The following ENOPH1 variants were observed in gnomAD, a reference collection of about 807,000 sequenced individuals.
ENOPH1 encodes enolase-phosphatase E1.
ENOPH1 carries 14 observed loss-of-function variants against 31.1 expected under a neutral mutation model. The ratio of observed to expected loss-of-function variants is 0.45; its 90% CI spans 0.30 to 0.70. The LOEUF (loss-of-function observed/expected upper bound fraction) is 0.70. Among genes scored for constraint, ENOPH1 ranks in the 30% least tolerant of loss-of-function variants. ENOPH1 has a pLI of 0.09. For synonymous variants in ENOPH1, 127 were observed against 123.2 expected (o/e 1.03, Z -0.21); for missense variants, 243 against 321.5 (o/e 0.76, Z 1.87).
At chr4:82,457,206 A>T (rs957393087) in intron 5 of ENOPH1, among the ~76,000 whole-genome samples, 168 bp downstream of exon 5, 4 of 145,082 alleles carry the variant, frequency 2.8e-5, no homozygotes, top group African/African-American at 7.5e-5. Flanking sequence ...TGTTTGAATT[A>T]AAAAAAAAAA....
At chr4:82,435,472 A>G (rs1721882154) in intron 1 of ENOPH1, among the ~76,000 whole-genome samples, 1 of 152,180 alleles carries the variant, frequency 6.6e-6, no homozygotes, top group African/African-American at 2.4e-5. Flanking sequence ...ATTTTTAGAA[A>G]TAGTGAATTC....
chr4:82,454,109 G>A (rs1040104514), intron 3 of ENOPH1, among the ~76,000 whole-genome samples: 32 of 151,846 alleles, frequency 2.1e-4, no homozygotes, highest in African/African-American at 7.0e-4. Flanking sequence ...AACTACCTGG[G>A]AGGCTGAGGT....
chr4:82,438,240 C>T (rs1721957792), intron 1 of ENOPH1, among the ~76,000 whole-genome samples: 1 of 152,144 alleles, frequency 6.6e-6, no homozygotes, highest in Non-Finnish European at 1.5e-5. Flanking sequence ...AGTGAAAGCC[C>T]TGATATGCTC....
At chr4:82,447,497 T>C (rs1488021752) in intron 1 of ENOPH1, among the ~76,000 whole-genome samples, 1 of 152,236 alleles carries the variant, frequency 6.6e-6, no homozygotes, top group Non-Finnish European at 1.5e-5. Context: ...CTCAAGGACC[T>C]TTGGTCTGGC....
At chr4:82,455,674 T>A (rs1179429760) in intron 4 of ENOPH1, among the ~76,000 whole-genome samples, 5 of 151,766 alleles carry the variant, frequency 3.3e-5, no homozygotes, top group Non-Finnish European at 7.4e-5. Context: ...TAGTCCCAGC[T>A]ACTCGGGAGG....
At chr4:82,448,931 G>C (rs866038134) in intron 2 of ENOPH1, among the ~76,000 whole-genome samples, 5 of 151,298 alleles carry the variant, frequency 3.3e-5, no homozygotes, top group Non-Finnish European at 7.4e-5. Flanking sequence ...AGTGGCCGGC[G>C]CCTGTAGTCC....
At chr4:82,435,540 A>G (rs1721884484) in intron 1 of ENOPH1, among the ~76,000 whole-genome samples, 1 of 152,234 alleles carries the variant, frequency 6.6e-6, no homozygotes, top group Non-Finnish European at 1.5e-5. Flanking sequence ...TTAGAAGATA[A>G]TAATTGGGGA....
intron 1 of ENOPH1, among the ~76,000 whole-genome samples, chr4:82,440,810 A>T (rs891259389): frequency 2.0e-5 from 3 of 152,198 alleles, no homozygotes; most frequent in Non-Finnish European, 4.4e-5. Context: ...TCAGCACCAC[A>T]TTGATTAATT....
intron 3 of ENOPH1, among the ~76,000 whole-genome samples, chr4:82,453,146 C>A (rs913899533): frequency 6.6e-6 from 1 of 151,680 alleles, no homozygotes; most frequent in East Asian, 1.9e-4. Context: ...TGTGATCCGC[C>A]CCCCCTTGGC....
chr4:82,431,016 C>T (rs1322502848), intron 1 of ENOPH1, 103 bp downstream of exon 1: 7 of 918,218 alleles, frequency 7.6e-6, no homozygotes, highest in Admixed American at 2.8e-5. Context: ...TTAGGAGAGG[C>T]GGTGTGGCTG....
chr4:82,443,907 C>T (rs1722107437), intron 1 of ENOPH1, among the ~76,000 whole-genome samples: 1 of 151,860 alleles, frequency 6.6e-6, no homozygotes, highest in East Asian at 1.9e-4. Flanking sequence ...CTCCCTGTCA[C>T]CCAGGGAGTA....
intron 2 of ENOPH1, among the ~76,000 whole-genome samples, chr4:82,450,790 C>G (rs1218780785): frequency 6.6e-6 from 1 of 152,184 alleles, no homozygotes; most frequent in Non-Finnish European, 1.5e-5. Flanking sequence ...ATTATGTGCT[C>G]TCTCTTCTCA....
At chr4:82,437,219 T>TC (rs1022103793) in intron 1 of ENOPH1, among the ~76,000 whole-genome samples, 1 of 152,238 alleles carries the variant, frequency 6.6e-6, no homozygotes, top group African/African-American at 2.4e-5. Context: ...TCACATTTAA[T>TC]TGAATACCTG....
chr4:82,448,824 C>T (rs1026992262), intron 2 of ENOPH1, among the ~76,000 whole-genome samples: 2 of 150,860 alleles, frequency 1.3e-5, no homozygotes, highest in East Asian at 2.0e-4. Context: ...TTTGGGAGGC[C>T]GAGGCGGGCG....
intron 1 of ENOPH1, among the ~76,000 whole-genome samples, chr4:82,433,831 T>C (rs1721836782): frequency 6.6e-6 from 1 of 152,352 alleles, no homozygotes; most frequent in East Asian, 1.9e-4. Context: ...GTGACTAATC[T>C]TTTAAACACC....
intron 1 of ENOPH1, among the ~76,000 whole-genome samples, chr4:82,439,909 C>G (rs1721997460): frequency 1.3e-5 from 2 of 152,160 alleles, no homozygotes; most frequent in South Asian, 4.2e-4. Context: ...CTGTCATTTA[C>G]TGTGATGTGG....
chr4:82,447,200 G>C (rs1722217977), intron 1 of ENOPH1, among the ~76,000 whole-genome samples: 1 of 151,732 alleles, frequency 6.6e-6, no homozygotes, highest in Non-Finnish European at 1.5e-5. Flanking sequence ...TGGCCAGGCT[G>C]GTCTCAAACT....
chr4:82,431,241 C>T (rs1163679268), intron 1 of ENOPH1, among the ~76,000 whole-genome samples: 1 of 152,246 alleles, frequency 6.6e-6, no homozygotes, highest in Non-Finnish European at 1.5e-5. Flanking sequence ...CAGGTGTGCA[C>T]CCGGTCGCTT....
intron 1 of ENOPH1, among the ~76,000 whole-genome samples, chr4:82,442,900 C>T (rs1353726102): frequency 2.6e-5 from 4 of 152,178 alleles, no homozygotes; most frequent in Non-Finnish European, 5.9e-5. Context: ...TCTTGGCTTA[C>T]CGTGACCTTT....
Sources: gnomAD v4.1 joint callset for allele counts (sites outside exome capture counted in the v4.1 genomes callset) on GRCh38, gnomAD v4.1.1 for gene constraint, MANE v1.5 for transcripts, NCBI Gene and HGNC (gene_info 2026-07-23, HGNC 2026-07-21) for gene names.